The following CDK6 variants were observed in gnomAD, a reference collection of about 807,000 sequenced individuals.
CDK6 encodes cyclin dependent kinase 6.
CDK6 carries 6 observed loss-of-function variants against 37.1 expected under a neutral mutation model. The observed-to-expected ratio is 0.16, with a 90% confidence interval of 0.09 to 0.32. The LOEUF (loss-of-function observed/expected upper bound fraction) is 0.32, where lower values mean the gene tolerates loss of function less well. Among genes scored for constraint, CDK6 ranks in the 10% least tolerant of loss-of-function variants. The pLI is 1.00. For missense variants in CDK6, 224 were observed against 418.9 expected (o/e 0.53, Z 4.06); for synonymous variants, 160 against 161.3 (o/e 0.99, Z 0.06).
At chr7:92,687,566 A>C (rs576361596) in intron 4 of CDK6, among the ~76,000 whole-genome samples, 2 of 152,356 alleles carry the variant, frequency 1.3e-5, no homozygotes, top group South Asian at 4.1e-4. Flanking sequence ...CAATAGAATA[A>C]AATTTATACA....
intron 6 of CDK6, among the ~76,000 whole-genome samples, chr7:92,619,660 C>T (rs776834694): frequency 1.3e-4 from 20 of 151,810 alleles, no homozygotes; most frequent in Non-Finnish European, 2.6e-4. Context: ...CTACACGGAG[C>T]CCAGGCCATA....
chr7:92,831,406 T>G lies in CDK6; in HGVS notation c.233+1685A>C, dbSNP rs184693688. ...TAAGCACCCTTAACTGGATACTCCA[T>G]AGGTAACAGACAAAATAAAACAAGA... On this transcript the variant is annotated intron_variant, in intron 2 of 7. Transcript: ENST00000424848. Among the ~76,000 whole-genome samples the G allele has an allele frequency of 7.2e-5, 11 of 152,306 alleles. 1 individual carries two copies. The East Asian group carries it at 2.1e-3, about 29-fold the overall frequency.
At chr7:92,631,518 G>C (rs1796052062) in intron 5 of CDK6, among the ~76,000 whole-genome samples, 1 of 152,128 alleles carries the variant, frequency 6.6e-6, no homozygotes, top group African/African-American at 2.4e-5. Flanking sequence ...ACTGGGGGGA[G>C]TCCCCTCCTC....
At chr7:92,756,219 A>C (rs1799316194) in intron 3 of CDK6, among the ~76,000 whole-genome samples, 1 of 152,074 alleles carries the variant, frequency 6.6e-6, no homozygotes, top group Non-Finnish European at 1.5e-5. Context: ...CTTGTGTACA[A>C]CTCAAAAGTC....
At chr7:92,783,914 T>C (rs575652794) in intron 2 of CDK6, among the ~76,000 whole-genome samples, 55 of 152,246 alleles carry the variant, frequency 3.6e-4, no homozygotes, top group Admixed American at 1.4e-3. Context: ...CATTAAATAA[T>C]AGAATTCAGC....
intron 4 of CDK6, 130 bp downstream of exon 4, chr7:92,725,496 A>C: frequency 1.8e-6 from 2 of 1,127,784 alleles, no homozygotes; most frequent in Non-Finnish European, 2.5e-6. Context: ...GCCATATAAA[A>C]ATGGGCAAAG....
In CDK6 at chr7:92,741,462, T is replaced by C. The variant is rs146004754; in HGVS notation, c.370-15669A>G. Among the ~76,000 whole-genome samples, 14 of 152,340 alleles carry C rather than the reference T, an allele frequency of 9.2e-5. No individual in the cohort carries two copies. In the East Asian group the frequency reaches 2.7e-3, roughly 29 times the overall value. On this transcript the variant is annotated intron_variant, in intron 3 of 7. Coordinates refer to ENST00000424848, the MANE Select transcript of CDK6 (RefSeq NM_001145306.2). ...ATTCAAGTTTAACTGAATGTCCTTA[T>C]TTTATTTGCTAAATCTGGCAATTTT...
intron 3 of CDK6, among the ~76,000 whole-genome samples, chr7:92,740,096 G>A (rs1286960806): frequency 6.6e-6 from 1 of 152,092 alleles, no homozygotes; most frequent in African/African-American, 2.4e-5. Context: ...GAGTCATGCA[G>A]AAGTCCCCCA....
intron 2 of CDK6, among the ~76,000 whole-genome samples, chr7:92,800,319 C>A (rs931580865): frequency 5.9e-5 from 9 of 152,304 alleles, no homozygotes; most frequent in Middle Eastern, 3.4e-3. Context: ...TAACTCAGCA[C>A]CTCAGGTTCG....
chr7:92,632,787 A>G (rs1425780587), intron 5 of CDK6, among the ~76,000 whole-genome samples: 2 of 149,740 alleles, frequency 1.3e-5, no homozygotes, highest in African/African-American at 5.1e-5. Flanking sequence ...AAATTTAAAA[A>G]GTAACAGATT....
rs912283311 is a variant in CDK6 at position 92,680,397 on chromosome 7, G to A, written c.538-8862C>T. Among the ~76,000 whole-genome samples, 18 of 124,230 alleles carry A rather than the reference G, an allele frequency of 1.4e-4. No individual in the cohort carries two copies. In the East Asian group the frequency reaches 3.2e-3, roughly 22 times the overall value. The allele number at this position is 124,230 out of a possible 152,430, so 81.5% of individuals were successfully genotyped here. On this transcript the variant is annotated intron_variant, in intron 4 of 7. Transcript: ENST00000424848. ...CGGTGAGCCGAGATCACACCATTGCGCTCCAGCCTGGGCCAACAAGAGTGA... is the reference window on the plus strand; with the variant it reads ...CGGTGAGCCGAGATCACACCATTGCACTCCAGCCTGGGCCAACAAGAGTGA...
At chr7:92,713,701 C>T (rs554011918) in intron 4 of CDK6, among the ~76,000 whole-genome samples, 51 of 148,304 alleles carry the variant, frequency 3.4e-4, no homozygotes, top group Admixed American at 1.3e-3. Context: ...ACTAGTATCA[C>T]TGAGATCTTG....
intron 3 of CDK6, among the ~76,000 whole-genome samples, chr7:92,746,655 C>T (rs1031441264): frequency 1.2e-4 from 18 of 152,264 alleles, no homozygotes; most frequent in Admixed American, 5.9e-4. Flanking sequence ...CTAAGCATTT[C>T]AGATAAGAGA....
chr7:92,615,547 G>A (rs1357921550), intron 7 of CDK6, among the ~76,000 whole-genome samples: 2 of 152,148 alleles, frequency 1.3e-5, no homozygotes, highest in Non-Finnish European at 2.9e-5. Flanking sequence ...ATTAAAGTAT[G>A]CATATAACTT....
At chr7:92,750,764 C>G (rs1799169636) in intron 3 of CDK6, among the ~76,000 whole-genome samples, 2 of 152,126 alleles carry the variant, frequency 1.3e-5, no homozygotes, top group South Asian at 4.2e-4. Context: ...GTTATAGTCA[C>G]AGTGTGATCT....
rs114364389 is a variant in CDK6 at position 92,717,980 on chromosome 7, C to T, written c.537+7646G>A. On this transcript the variant is annotated intron_variant, in intron 4 of 7. Transcript: ENST00000424848. ...AAATGTGTTTTATTACCACTGAGAACGCGCAGTGGAGAATCTGGATGGGTT... is the reference window on the plus strand; with the variant it reads ...AAATGTGTTTTATTACCACTGAGAATGCGCAGTGGAGAATCTGGATGGGTT... 4.3e-3 allele frequency among the ~76,000 whole-genome samples: 656 copies of T among 152,250 alleles called. 12 individuals are homozygous for T. Among genetic ancestry groups the T allele is most frequent in the African/African-American group, 0.015 (620 of 41,546 alleles).
In CDK6 at chr7:92,610,303, T is replaced by G. The variant is rs1795534511; in HGVS notation, c.*4837A>C. 2 of 232,154 alleles carry G rather than the reference T, an allele frequency of 8.6e-6. No homozygotes were observed. The highest frequency in any genetic ancestry group is 1.7e-5 in the Non-Finnish European group (2 of 117,446). 14.4% of individuals were successfully genotyped at this position (232,154 alleles called of 1,614,324 possible). ...CCTAAGGCTAGACAAGGTAACAATA[T>G]GTTGAAGGAAGTCCACTTCTACTCA... On this transcript the variant is annotated 3_prime_UTR_variant, in exon 8 of 8. Transcript: ENST00000424848.
intron 4 of CDK6, among the ~76,000 whole-genome samples, chr7:92,698,508 CT>C (rs1294238281): frequency 6.6e-6 from 1 of 152,148 alleles, no homozygotes. Flanking sequence ...TTATCTGTCC[CT>C]GTTTGGGGTT....
intron 5 of CDK6, among the ~76,000 whole-genome samples, chr7:92,646,190 GT>G (rs1796444515): frequency 6.6e-6 from 1 of 152,120 alleles, no homozygotes. Context: ...GCTCTTAACA[GT>G]TTTAAAAATC....
Sources: allele counts gnomAD v4.1 joint callset (sites outside exome capture counted in the v4.1 genomes callset), GRCh38; gene constraint gnomAD v4.1.1; transcripts MANE v1.5; gene names NCBI Gene and HGNC (gene_info 2026-07-23, HGNC 2026-07-21).